The following NXPE4 variants were observed in gnomAD, a reference collection of about 807,000 sequenced individuals.
NXPE4 encodes the protein neurexophilin and PC-esterase domain family member 4, also known as NXPE family member 4.
In NXPE4, 42 loss-of-function variants were observed where a neutral mutation model predicts 33.3. That is an observed-to-expected ratio of 1.26 (90% CI 0.98 to 1.63). The LOEUF (loss-of-function observed/expected upper bound fraction) is 1.63, where lower values mean the gene tolerates loss of function less well. Among genes scored for constraint, NXPE4 ranks in the 40% most tolerant of loss-of-function variants. The probability of loss-of-function intolerance (pLI) is 0.00; values close to 1 mark genes in which losing one functional copy is unlikely to be tolerated. For synonymous variants in NXPE4, 253 were observed against 234.9 expected (o/e 1.08, Z -0.71); for missense variants, 709 against 647.6 (o/e 1.09, Z -1.03).
chr11:114,611,241 T>C, the NXPE4 span, among the ~76,000 whole-genome samples: 39 of 151,768 alleles, frequency 2.6e-4, no homozygotes, highest in African/African-American at 8.9e-4. Flanking sequence ...ATCCAGTCAA[T>C]AATAGGTATT....
chr11:114,656,655 T>C, the NXPE4 span, among the ~76,000 whole-genome samples: 1 of 151,886 alleles, frequency 6.6e-6, no homozygotes, highest in East Asian at 1.9e-4. Flanking sequence ...CCAAAATCAA[T>C]GGGCAAAAAT....
chr11:114,622,721 T>A, the NXPE4 span, among the ~76,000 whole-genome samples: 1 of 150,950 alleles, frequency 6.6e-6, no homozygotes, highest in Non-Finnish European at 1.5e-5. Flanking sequence ...ATAATACGTG[T>A]TCCCTCGTGT....
At chr11:114,650,673 C>G in the NXPE4 span, among the ~76,000 whole-genome samples, 1 of 152,114 alleles carries the variant, frequency 6.6e-6, no homozygotes, top group Non-Finnish European at 1.5e-5. Context: ...ATGCTGATAT[C>G]AAGCAGAAAT....
chr11:114,621,668 A>G, the NXPE4 span, among the ~76,000 whole-genome samples: 1 of 152,176 alleles, frequency 6.6e-6, no homozygotes, highest in South Asian at 2.1e-4. Context: ...TACCCTGTGG[A>G]TAATAAGTGA....
the NXPE4 span, among the ~76,000 whole-genome samples, chr11:114,639,854 A>ATATATTATATTAAATATAAAATAT: frequency 1.1e-5 from 1 of 90,644 alleles, no homozygotes; most frequent in African/African-American, 4.7e-5. Flanking sequence ...AAAATATAAT[A>ATATATTATATTAAATATAAAATAT]TATATTATAT....
intron 2 of NXPE4, among the ~76,000 whole-genome samples, chr11:114,585,164 C>G (rs984568983): frequency 6.6e-6 from 1 of 151,822 alleles, no homozygotes; most frequent in African/African-American, 2.4e-5. Context: ...AAAAAACTCA[C>G]ACTGCCTGCC....
chr11:114,602,160 T>C, the NXPE4 span, among the ~76,000 whole-genome samples: 1 of 106,274 alleles, frequency 9.4e-6, no homozygotes, highest in South Asian at 2.7e-4. Flanking sequence ...ATATACATTA[T>C]TTATAATATA....
chr11:114,628,493 C>T, the NXPE4 span, among the ~76,000 whole-genome samples: 1 of 151,820 alleles, frequency 6.6e-6, no homozygotes, highest in South Asian at 2.1e-4. Context: ...ACACAACGTA[C>T]CAGAATCTCT....
chr11:114,625,680 G>T, the NXPE4 span, among the ~76,000 whole-genome samples: 4 of 152,152 alleles, frequency 2.6e-5, no homozygotes, highest in African/African-American at 9.7e-5. Flanking sequence ...AGCCAAGATG[G>T]CCGAGTAGGA....
the NXPE4 span, among the ~76,000 whole-genome samples, chr11:114,639,661 C>G: frequency 7.2e-6 from 1 of 139,392 alleles, no homozygotes; most frequent in Admixed American, 7.7e-5. Flanking sequence ...ATATAATTTA[C>G]TTGTATTATA....
chr11:114,583,959 C>T, intron 2 of NXPE4: 1 of 382,446 alleles, frequency 2.6e-6, no homozygotes, highest in Non-Finnish European at 5.1e-6. Flanking sequence ...GATGATGAGT[C>T]CTATGAGGCC....
At chr11:114,629,200 C>G in the NXPE4 span, among the ~76,000 whole-genome samples, 3 of 152,012 alleles carry the variant, frequency 2.0e-5, no homozygotes, top group Admixed American at 1.3e-4. Flanking sequence ...GATACCAAAG[C>G]CGGGCAGAGA....
chr11:114,618,951 G>T, the NXPE4 span, among the ~76,000 whole-genome samples: 2 of 151,864 alleles, frequency 1.3e-5, no homozygotes, highest in South Asian at 4.2e-4. Flanking sequence ...ATAATAAGTA[G>T]TACCGCATGG....
At chr11:114,634,301 G>T in the NXPE4 span, among the ~76,000 whole-genome samples, 6 of 152,018 alleles carry the variant, frequency 3.9e-5, no homozygotes, top group Admixed American at 1.3e-4. Context: ...CCCACTTTTT[G>T]ATAGAGTTGT....
At chr11:114,652,105 A>G in the NXPE4 span, among the ~76,000 whole-genome samples, 1 of 152,108 alleles carries the variant, frequency 6.6e-6, no homozygotes, top group Non-Finnish European at 1.5e-5. Flanking sequence ...TTTTTAATCT[A>G]CTGCCTAGAG....
At chr11:114,573,837 A>G (rs1050170964) in intron 5 of NXPE4, among the ~76,000 whole-genome samples, 4 of 152,094 alleles carry the variant, frequency 2.6e-5, no homozygotes, top group African/African-American at 9.6e-5. Context: ...TAATGGACTT[A>G]AACTATACCC....
chr11:114,571,199 A>G lies in NXPE4; in HGVS notation c.1374T>C (p.Ile458=). The G allele has an allele frequency of 6.2e-7, 1 of 1,614,032 alleles. No individual in the cohort carries two copies. Among genetic ancestry groups the G allele is most frequent in the Non-Finnish European group, 8.5e-7 (1 of 1,179,946 alleles). The change falls in exon 6 of 6, where the codon ATT becomes ATC. Residue 458 remains isoleucine, a synonymous_variant. Transcript: ENST00000375478. ...CTGGGCTTCTCAGAAGAAGATGCTG[A>G]ATGGCTTTGTGGACATTGAGGGCCC... ...IRRALNVHKA[I]QHLLLRSPDT... is the part of the protein sequence containing the mutation.
chr11:114,677,898 T>C, the NXPE4 span, among the ~76,000 whole-genome samples: 1 of 152,070 alleles, frequency 6.6e-6, no homozygotes, highest in East Asian at 1.9e-4. Context: ...GTGTGACCAC[T>C]GAAAATCCTT....
the NXPE4 span, among the ~76,000 whole-genome samples, chr11:114,677,283 C>T: frequency 2.0e-5 from 3 of 151,936 alleles, no homozygotes; most frequent in African/African-American, 7.3e-5. Context: ...GTTCTCACCA[C>T]ACAAATAAAA....
Sources: allele counts gnomAD v4.1 joint callset (sites outside exome capture counted in the v4.1 genomes callset), GRCh38; gene constraint gnomAD v4.1.1; transcripts MANE v1.5; gene names NCBI Gene and HGNC (gene_info 2026-07-23, HGNC 2026-07-21).